ZNF76: variants seen among roughly 807,000 people sequenced by gnomAD.
The protein encoded by ZNF76 is zinc finger protein 523.
In ZNF76, 66 loss-of-function variants were observed where a neutral mutation model predicts 66.9. The observed-to-expected ratio is 0.99, with a 90% CI of 0.81 to 1.21. ZNF76 has a LOEUF of 1.21. Among genes scored for constraint, ZNF76 ranks in the 50% most tolerant of loss-of-function variants. ZNF76 has a pLI of 0.00. For missense variants in ZNF76, 729 were observed against 760.3 expected (o/e 0.96, Z 0.48); for synonymous variants, 275 against 296.1 (o/e 0.93, Z 0.73).
Position 35,292,995 on chromosome 6 carries a change from A to G in ZNF76, c.1280A>G (p.Glu427Gly). The G allele has an allele frequency of 1.2e-6, 2 of 1,614,168 alleles. No homozygotes were observed. The highest frequency in any genetic ancestry group is 1.7e-6 in the Non-Finnish European group (2 of 1,180,036). ...GCCCAGGTGGCGATGGTGACTGAAG[A>G]AGATGGGGCCCCCCAGGTGGCTCTG... ...IPAQVAMVTEEDGAPQVALIT... is the reference protein window; with the variant it reads ...IPAQVAMVTEGDGAPQVALIT... Residue 427 changes from glutamate to glycine, a missense_variant, in exon 11 of 14, where the codon GAA becomes GGA. Transcript: ENST00000373953. This position sits in a 1 kb window ranked among gnomAD's most constrained non-coding sequence, Gnocchi z 4.7.
rs976470798 is a variant in ZNF76, at chr6:35,292,533, C to T, written c.932-21C>T. On this transcript the variant is annotated intron_variant, in intron 9 of 13. Coordinates refer to ENST00000373953, the MANE Select transcript of ZNF76 (RefSeq NM_003427.5). This position sits in a 1 kb window ranked among gnomAD's most constrained non-coding sequence, Gnocchi z 4.7. ...CTTGCCAGCCCCAGTTCCCACCCCC[C>T]TCACAGCCCAGTGTCCCCAGGGGAG... is the stretch of plus-strand genomic sequence containing the variant. The T allele has an allele frequency of 4.3e-6, 7 of 1,612,298 alleles. No individual in the cohort carries two copies. The highest frequency in any genetic ancestry group is 5.1e-6 in the Non-Finnish European group (6 of 1,179,244).
rs750262030 is a variant in ZNF76 at position 35,287,599 on chromosome 6, T to A, written c.233-47T>A. On this transcript the variant is annotated intron_variant, in intron 4 of 13. Transcript: ENST00000373953. The surrounding 1 kb of genome is among the most constrained non-coding windows in gnomAD (Gnocchi z 4.0). ...ACTTAAAGCTAGGGTCCCAGCTGTA[T>A]CTCTTCCCCTTGTGTGGCATCAGGG... is the stretch of plus-strand genomic sequence containing the variant. 5 of 1,536,664 alleles carry A rather than the reference T, an allele frequency of 3.3e-6. No homozygotes were observed. The highest frequency in any genetic ancestry group is 2.0e-4 in the Middle Eastern group (1 of 5,022).
chr6:35,290,352 G>A lies in ZNF76; in HGVS notation c.519G>A (p.Gly173=), dbSNP rs751175665. ...RAFRCGYKGC[G]RLYTTAHHLK... ...TCCGCTGTGGCTACAAGGGCTGTGG[G>A]CGTCTCTACACCACCGCTCATCACT... The change falls in exon 6 of 14, where the codon GGG becomes GGA. Residue 173 remains glycine (G), a synonymous_variant. Coordinates refer to ENST00000373953, the MANE Select transcript of ZNF76 (RefSeq NM_003427.5). The A allele has an allele frequency of 4.3e-6, 7 of 1,614,210 alleles. No homozygotes were observed. Among genetic ancestry groups the A allele is most frequent in the Non-Finnish European group, 5.9e-6 (7 of 1,180,024 alleles).
chr6:35,278,965 G>A (rs1163827092), intron 1 of ZNF76, among the ~76,000 whole-genome samples: 1 of 152,188 alleles, frequency 6.6e-6, no homozygotes, highest in Non-Finnish European at 1.5e-5. Flanking sequence ...AGATAGTGAT[G>A]AGTACTGAAG....
intron 1 of ZNF76, among the ~76,000 whole-genome samples, chr6:35,277,650 A>AGTTGTGT (rs1326846046): frequency 2.0e-5 from 3 of 152,216 alleles, no homozygotes; most frequent in East Asian, 3.8e-4. Context: ...GGATTGTTAG[A>AGTTGTGT]ACTAAATGAG....
intron 1 of ZNF76, among the ~76,000 whole-genome samples, chr6:35,272,509 G>GTGTGTGTGTGTGTA (rs1357691368): frequency 5.4e-4 from 61 of 112,360 alleles, no homozygotes; most frequent in African/African-American, 1.3e-3. Flanking sequence ...GTGTGTGTGT[G>GTGTGTGTGTGTGTA]TGTATGTATA....
At chr6:35,278,168 G>GT (rs1275548674) in intron 1 of ZNF76, among the ~76,000 whole-genome samples, 1 of 150,750 alleles carries the variant, frequency 6.6e-6, no homozygotes, top group East Asian at 2.0e-4. Context: ...TTTTTGTTTT[G>GT]TTTTTTTCTT....
chr6:35,293,635 C>T, intron 11 of ZNF76, 116 bp from the exon 12 acceptor site: 6 of 1,289,896 alleles, frequency 4.7e-6, no homozygotes, highest in Admixed American at 2.1e-5. Flanking sequence ...CCTTCCACCA[C>T]TATGACATGA....
At chr6:35,272,695 G>C (rs1787281242) in intron 1 of ZNF76, among the ~76,000 whole-genome samples, 1 of 152,224 alleles carries the variant, frequency 6.6e-6, no homozygotes, top group South Asian at 2.1e-4. Context: ...TTGAAGTGCA[G>C]TGGCACAATC....
chr6:35,291,781 A>C (rs772157163), intron 9 of ZNF76, 44 bp downstream of exon 9: 1 of 1,594,242 alleles, frequency 6.3e-7, no homozygotes, highest in South Asian at 1.1e-5. Flanking sequence ...TCAGGCCCCA[A>C]CCCCTCTACT....
intron 1 of ZNF76, among the ~76,000 whole-genome samples, chr6:35,267,290 G>C (rs967057393): frequency 2.6e-5 from 4 of 152,036 alleles, no homozygotes; most frequent in African/African-American, 9.7e-5. Context: ...GGTAGAGAGG[G>C]TTTCACCATG....
chr6:35,282,331 C>G, intron 2 of ZNF76, among the ~76,000 whole-genome samples: 1 of 144,958 alleles, frequency 6.9e-6, no homozygotes, highest in Non-Finnish European at 1.5e-5. Flanking sequence ...GTGTTAAATA[C>G]TATAAAATAC....
At chr6:35,278,565 G>A (rs1428140853) in intron 1 of ZNF76, among the ~76,000 whole-genome samples, 1 of 152,264 alleles carries the variant, frequency 6.6e-6, no homozygotes, top group African/African-American at 2.4e-5. Context: ...TAGGTCCCCT[G>A]ACATGAAAAC....
At chr6:35,274,680 C>T (rs932566421) in intron 1 of ZNF76, among the ~76,000 whole-genome samples, 1 of 152,190 alleles carries the variant, frequency 6.6e-6, no homozygotes, top group Admixed American at 6.5e-5. Context: ...GCTATGATCA[C>T]TGCATGCCAA....
In ZNF76 at chr6:35,290,354, G is replaced by A. The variant is rs764649836; in HGVS notation, c.521G>A (p.Arg174His). 1.5e-5 allele frequency: 25 copies of A among 1,614,030 alleles called. No homozygotes were observed. The highest frequency in any genetic ancestry group is 3.3e-5 in the Admixed American group (2 of 60,002). The change falls in exon 6 of 14, where the codon CGT (arginine) becomes CAT (histidine). Residue 174 changes from arginine to histidine, a missense_variant. Transcript: ENST00000373953. Reference protein sequence around the residue: ...AFRCGYKGCGRLYTTAHHLKV... With the variant: ...AFRCGYKGCGHLYTTAHHLKV... ...CGCTGTGGCTACAAGGGCTGTGGGCGTCTCTACACCACCGCTCATCACTTA... is the reference window on the plus strand; with the variant it reads ...CGCTGTGGCTACAAGGGCTGTGGGCATCTCTACACCACCGCTCATCACTTA...
At chr6:35,273,722 CAA>C (rs35149897) in intron 1 of ZNF76, among the ~76,000 whole-genome samples, 11 of 130,108 alleles carry the variant, frequency 8.5e-5, no homozygotes, top group Non-Finnish European at 9.7e-5. Context: ...CTCCATCTCA[CAA>C]AAAAAAAAAA....
rs527326739 is a variant in ZNF76, at chr6:35,265,506, C to CAAAAAA, written c.-97+5676_-97+5681dup. On this transcript the variant is annotated intron_variant, in intron 1 of 13. Transcript: ENST00000373953. The stretch of plus-strand genomic sequence containing the variant: ...TGGGCGACAGAGCGAGACTCTGTCT[C>CAAAAAA]AAAAAAAAAAAAAAAAGAAGAAGAA... Among the ~76,000 whole-genome samples, 3 of 68,580 alleles carry CAAAAAA rather than the reference C, an allele frequency of 4.4e-5. No homozygotes were observed. The South Asian group carries it at 1.5e-3, about 35-fold the overall frequency. 45.0% of individuals were successfully genotyped at this position (68,580 alleles called of 152,430 possible).
intron 2 of ZNF76, among the ~76,000 whole-genome samples, chr6:35,284,160 C>T (rs1019867040): frequency 3.9e-5 from 6 of 151,916 alleles, no homozygotes; most frequent in Non-Finnish European, 7.4e-5. Flanking sequence ...GGCGTGATCT[C>T]GGCTCACTGC....
At chr6:35,285,712 A>T (rs1789462881) in intron 2 of ZNF76, among the ~76,000 whole-genome samples, 1 of 152,168 alleles carries the variant, frequency 6.6e-6, no homozygotes, top group Non-Finnish European at 1.5e-5. Flanking sequence ...TGTCATAGTG[A>T]GGGATGAGGG....
Sources: gnomAD v4.1 joint callset for allele counts (sites outside exome capture counted in the v4.1 genomes callset) on GRCh38, gnomAD v4.1.1 for gene constraint, Gnocchi (gnomAD v3.1) non-coding constraint, MANE v1.5 for transcripts, NCBI Gene and HGNC (gene_info 2026-07-23, HGNC 2026-07-21) for gene names.